The following CDC14B variants were observed in gnomAD, a reference collection of about 807,000 sequenced individuals.
CDC14B encodes dual specificity protein phosphatase CDC14B.
In CDC14B, 22 loss-of-function variants were observed where a neutral mutation model predicts 64.2. The observed-to-expected ratio is 0.34, with a 90% CI of 0.24 to 0.49. The LOEUF is 0.49. Ranked by LOEUF, CDC14B falls within the 20% of genes least tolerant of loss-of-function variation. The pLI is 0.99. For synonymous variants in CDC14B, 191 were observed against 215.8 expected (o/e 0.89, Z 1.01); for missense variants, 498 against 629.9 (o/e 0.79, Z 2.24).
intron 8 of CDC14B, 59 bp from the exon 9 acceptor site, chr9:96,534,216 T>C: frequency 9.5e-7 from 1 of 1,051,094 alleles, no homozygotes; most frequent in East Asian, 2.5e-5. Flanking sequence ...TGGCTAATAG[T>C]TTCACCTGTA....
intron 1 of CDC14B, among the ~76,000 whole-genome samples, chr9:96,600,892 A>G (rs952655768): frequency 2.6e-5 from 4 of 152,158 alleles, no homozygotes; most frequent in Non-Finnish European, 5.9e-5. Context: ...TCTCTACCCA[A>G]TGTTATGCAA....
chr9:96,552,371 G>A (rs570480855), intron 4 of CDC14B, among the ~76,000 whole-genome samples: 7 of 152,306 alleles, frequency 4.6e-5, no homozygotes, highest in African/African-American at 1.7e-4. Context: ...ACTTGTTTTC[G>A]ACGCTCATTG....
intron 1 of CDC14B, among the ~76,000 whole-genome samples, chr9:96,583,363 G>T (rs1401006207): frequency 3.6e-5 from 5 of 140,774 alleles, no homozygotes; most frequent in Non-Finnish European, 4.6e-5. Flanking sequence ...GCTACTGGTT[G>T]TATTTATTTA....
intron 1 of CDC14B, among the ~76,000 whole-genome samples, chr9:96,579,897 T>C (rs560905700): frequency 3.3e-5 from 5 of 152,314 alleles, no homozygotes; most frequent in African/African-American, 1.2e-4. Flanking sequence ...CTCTACTATT[T>C]TTATCTTTTC....
rs538078209 is a variant in CDC14B at position 96,601,735 on chromosome 9, A to G, written c.160+17484T>C. Among the ~76,000 whole-genome samples the G allele has an allele frequency of 6.8e-5, 10 of 146,592 alleles. No individual in the cohort carries two copies. In the South Asian group the frequency reaches 2.2e-3, roughly 32 times the overall value. ...TTGAACCCAGGAGGTGGGGGTTTGC[A>G]GTGAGCTGAGGGCGCACCACTGCAC... On this transcript the variant is annotated intron_variant, in intron 1 of 13. Coordinates refer to ENST00000375241, the MANE Select transcript of CDC14B (RefSeq NM_033331.4).
intron 5 of CDC14B, among the ~76,000 whole-genome samples, chr9:96,543,229 C>T (rs1840330513): frequency 3.3e-5 from 5 of 151,284 alleles, no homozygotes; most frequent in Admixed American, 2.0e-4. Context: ...CCAGCTACTC[C>T]GAGGCTGAGG....
intron 3 of CDC14B, among the ~76,000 whole-genome samples, chr9:96,563,072 G>T (rs780859094): frequency 2.0e-4 from 30 of 152,176 alleles, no homozygotes; most frequent in Non-Finnish European, 3.8e-4. Flanking sequence ...TGGTAGAAAA[G>T]ACCACCTTTC....
chr9:96,565,545 G>T, intron 1 of CDC14B, 62 bp from the exon 2 acceptor site: 2 of 1,027,822 alleles, frequency 1.9e-6, no homozygotes, highest in South Asian at 1.3e-5. Context: ...CATATATCAT[G>T]ACACAACTCT....
intron 5 of CDC14B, among the ~76,000 whole-genome samples, chr9:96,544,195 G>T (rs569668490): frequency 6.6e-6 from 1 of 152,188 alleles, no homozygotes; most frequent in Admixed American, 6.5e-5. Flanking sequence ...CTCCAGCCTG[G>T]TGACAGAGCG....
chr9:96,551,111 C>CTTTTTTTTTTTTTTTT lies in CDC14B; in HGVS notation c.497+669_497+684dup, dbSNP rs202193145. Reference sequence around the variant, plus strand: ...TACAAAGCCTAGGTTTTGGGGTTTGCTTTTTTTTTTTTTTTTTTTGAGACA... The same window carrying CTTTTTTTTTTTTTTTT: ...TACAAAGCCTAGGTTTTGGGGTTTGCTTTTTTTTTTTTTTTTTTTTTTTTTTTTTTTTTTTGAGACA... On this transcript the variant is annotated intron_variant, in intron 5 of 13. Transcript: ENST00000375241. Among the ~76,000 whole-genome samples, 754 of 93,200 alleles carry CTTTTTTTTTTTTTTTT rather than the reference C, an allele frequency of 8.1e-3. 94 individuals carry two copies. Among genetic ancestry groups the CTTTTTTTTTTTTTTTT allele is most frequent in the South Asian group, 0.027 (47 of 1,752 alleles). The allele number at this position is 93,200 out of a possible 152,430, so 61.1% of individuals were successfully genotyped here. A position where few individuals can be genotyped will look rare whatever the true frequency, so the allele number is the denominator to read the frequency against.
chr9:96,592,522 T>C (rs976681469), intron 1 of CDC14B, among the ~76,000 whole-genome samples: 3 of 152,284 alleles, frequency 2.0e-5, no homozygotes, highest in Admixed American at 6.5e-5. Flanking sequence ...ACGCCTGTAA[T>C]CCCAGCAATT....
intron 5 of CDC14B, 77 bp downstream of exon 5, chr9:96,551,719 T>A: frequency 6.4e-7 from 1 of 1,563,124 alleles, no homozygotes. Context: ...CAGATCTTCT[T>A]TTTTCAGAAA....
chr9:96,546,823 G>A (rs1200166302), intron 5 of CDC14B, among the ~76,000 whole-genome samples: 4 of 151,988 alleles, frequency 2.6e-5, no homozygotes, highest in Admixed American at 2.6e-4. Context: ...AGCACTTTGG[G>A]AACCTGAGGC....
intron 9 of CDC14B, among the ~76,000 whole-genome samples, chr9:96,532,621 A>T (rs1353631570): frequency 1.3e-5 from 2 of 152,076 alleles, no homozygotes; most frequent in Non-Finnish European, 2.9e-5. Flanking sequence ...TGTCTCAGGG[A>T]TCCCTTAAAT....
intron 12 of CDC14B, among the ~76,000 whole-genome samples, chr9:96,512,617 G>C (rs1307962675): frequency 6.6e-6 from 1 of 152,166 alleles, no homozygotes; most frequent in Non-Finnish European, 1.5e-5. Context: ...GAGCCAGTCT[G>C]CCCATCCCTA....
chr9:96,507,525 C>A (rs1186152042), intron 13 of CDC14B, among the ~76,000 whole-genome samples: 1 of 151,788 alleles, frequency 6.6e-6, no homozygotes, highest in African/African-American at 2.4e-5. Context: ...AAGTGATTCT[C>A]CAGCCTCAGC....
chr9:96,566,539 G>C (rs908319462), intron 1 of CDC14B, among the ~76,000 whole-genome samples: 18 of 152,148 alleles, frequency 1.2e-4, no homozygotes, highest in Non-Finnish European at 2.5e-4. Context: ...CGCTCCCGCG[G>C]GCGGGGAGGT....
chr9:96,589,773 A>G (rs752296642), intron 1 of CDC14B, among the ~76,000 whole-genome samples: 2 of 152,138 alleles, frequency 1.3e-5, no homozygotes, highest in Non-Finnish European at 2.9e-5. Context: ...CCTGGTTAAC[A>G]TGGTGAAACC....
intron 1 of CDC14B, among the ~76,000 whole-genome samples, chr9:96,575,540 A>G (rs1308294625): frequency 2.6e-5 from 4 of 152,194 alleles, no homozygotes; most frequent in South Asian, 2.1e-4. Context: ...AAGAGAGAAA[A>G]TGACACTAAG....
Sources: allele counts gnomAD v4.1 joint callset (sites outside exome capture counted in the v4.1 genomes callset), GRCh38; gene constraint gnomAD v4.1.1; transcripts MANE v1.5; gene names NCBI Gene and HGNC (gene_info 2026-07-23, HGNC 2026-07-21).